MGAT4C: variants seen among roughly 807,000 people sequenced by gnomAD.
MGAT4C encodes MGAT4 family member C.
In MGAT4C, 19 loss-of-function variants were observed where a neutral mutation model predicts 40.1. The ratio of observed to expected loss-of-function variants is 0.47; its 90% CI spans 0.33 to 0.70. The LOEUF (loss-of-function observed/expected upper bound fraction) is 0.70. Among genes scored for constraint, MGAT4C ranks in the 30% least tolerant of loss-of-function variants. The pLI, the probability that MGAT4C is intolerant of heterozygous loss-of-function variation, is 0.02. For synonymous variants in MGAT4C, 181 were observed against 187.1 expected (o/e 0.97, Z 0.27); for missense variants, 491 against 563.2 (o/e 0.87, Z 1.30).
intron 2 of MGAT4C, among the ~76,000 whole-genome samples, chr12:86,579,609 T>C (rs1960702013): frequency 6.6e-6 from 1 of 151,624 alleles, no homozygotes; most frequent in East Asian, 1.9e-4. Flanking sequence ...AATGTTGTAA[T>C]AGTCTGTGTT....
chr12:86,603,485 A>T lies in MGAT4C; in HGVS notation c.-229+123724T>A, dbSNP rs1309669600. Among the ~76,000 whole-genome samples, 8 of 104,484 alleles carry T rather than the reference A, an allele frequency of 7.7e-5. No individual in the cohort carries two copies. In the East Asian group the frequency reaches 1.0e-3, roughly 14 times the overall value. The allele number at this position is 104,484 out of a possible 152,430, so 68.5% of individuals were successfully genotyped here. A position where few individuals can be genotyped will look rare whatever the true frequency, so the allele number is the denominator to read the frequency against. On this transcript the variant is annotated intron_variant, in intron 2 of 7. Transcript: ENST00000548651. ...AATATATACTATATATAGTCTATAG[A>T]CTATATAATATATACTATATATAGT...
At chr12:86,255,131 T>C (rs1356126150) in intron 1 of MGAT4C, among the ~76,000 whole-genome samples, 2 of 152,134 alleles carry the variant, frequency 1.3e-5, no homozygotes, top group Non-Finnish European at 2.9e-5. Context: ...CAAGCCATTA[T>C]TCAAAAGTTT....
At chr12:86,612,641 G>A (rs1962323301) in intron 2 of MGAT4C, among the ~76,000 whole-genome samples, 1 of 150,236 alleles carries the variant, frequency 6.7e-6, no homozygotes, top group South Asian at 2.1e-4. Flanking sequence ...TCAGGAGGCT[G>A]AGACAAGAGA....
At chr12:86,026,776 G>T (rs1007572791) in intron 2 of MGAT4C, among the ~76,000 whole-genome samples, 1 of 151,902 alleles carries the variant, frequency 6.6e-6, no homozygotes, top group Non-Finnish European at 1.5e-5. Flanking sequence ...AATTTAAGCA[G>T]ATCTGAGATA....
chr12:86,329,145 T>TAAATAAAA (rs1263839419), intron 4 of MGAT4C, among the ~76,000 whole-genome samples: 16 of 148,976 alleles, frequency 1.1e-4, no homozygotes, highest in Non-Finnish European at 1.3e-4. Context: ...AATAAATAAA[T>TAAATAAAA]AAAATAGAAC....
rs1305996672 is a variant in MGAT4C at position 85,974,068 on chromosome 12, A to G, written c.*5221T>C. On this transcript the variant is annotated 3_prime_UTR_variant, in exon 5 of 5. Coordinates refer to ENST00000611864, the MANE Select transcript of MGAT4C (RefSeq NM_001351288.2). Reference sequence around the variant, plus strand: ...TTTTATAGCTTAGAAAGAGAATGCTATGCAACTCATATTTTGATCTTTTAA... The same window carrying G: ...TTTTATAGCTTAGAAAGAGAATGCTGTGCAACTCATATTTTGATCTTTTAA... The G allele has an allele frequency of 1.3e-5, 2 of 150,918 alleles. No homozygotes were observed. Among genetic ancestry groups the G allele is most frequent in the African/African-American group, 2.4e-5 (1 of 41,316 alleles). The allele number at this position is 150,918 out of a possible 1,614,324, so 9.3% of individuals were successfully genotyped here. A position where few individuals can be genotyped will look rare whatever the true frequency, so the allele number is the denominator to read the frequency against.
chr12:86,183,225 G>T (rs1888321178), intron 1 of MGAT4C, among the ~76,000 whole-genome samples: 1 of 151,554 alleles, frequency 6.6e-6, no homozygotes, highest in African/African-American at 2.4e-5. Flanking sequence ...TTGATATTTT[G>T]TTTGTTCTGG....
intron 2 of MGAT4C, among the ~76,000 whole-genome samples, chr12:86,608,367 C>T (rs1962118182): frequency 2.0e-5 from 3 of 151,952 alleles, no homozygotes; most frequent in Admixed American, 6.6e-5. Context: ...TCACTTAAAG[C>T]CAGAAGTTCG....
intron 2 of MGAT4C, among the ~76,000 whole-genome samples, chr12:86,579,421 C>T (rs923094880): frequency 6.6e-6 from 1 of 151,436 alleles, no homozygotes; most frequent in Non-Finnish European, 1.5e-5. Flanking sequence ...CAAGCAAAAA[C>T]AAAACTAATA....
At chr12:86,393,813 AG>A (rs1318868799) in intron 3 of MGAT4C, among the ~76,000 whole-genome samples, 1 of 152,190 alleles carries the variant, frequency 6.6e-6, no homozygotes, top group East Asian at 1.9e-4. Context: ...ATTATGAGAC[AG>A]TCCTGCACTA....
chr12:86,396,745 T>C (rs1956269923), intron 3 of MGAT4C, among the ~76,000 whole-genome samples: 1 of 152,064 alleles, frequency 6.6e-6, no homozygotes, highest in African/African-American at 2.4e-5. Flanking sequence ...TTAGAGTAAA[T>C]AAAATTAGAA....
chr12:86,831,980 G>C (rs76277444), intron 1 of MGAT4C, among the ~76,000 whole-genome samples: 1 of 151,902 alleles, frequency 6.6e-6, no homozygotes, highest in East Asian at 1.9e-4. Context: ...AATAATTTAT[G>C]AAGTAGATCA....
chr12:86,554,435 T>C (rs1298598236), intron 2 of MGAT4C, among the ~76,000 whole-genome samples: 1 of 152,188 alleles, frequency 6.6e-6, no homozygotes, highest in Non-Finnish European at 1.5e-5. Flanking sequence ...ACTCATTTTT[T>C]GTCTACCATA....
chr12:86,449,550 C>T lies in MGAT4C; in HGVS notation c.-228-14285G>A, dbSNP rs1041585354. 3.9e-5 allele frequency among the ~76,000 whole-genome samples: 6 copies of T among 152,212 alleles called. No homozygotes were observed. The East Asian group carries it at 7.7e-4, about 20-fold the overall frequency. On this transcript the variant is annotated intron_variant, in intron 2 of 7. Transcript: ENST00000548651. The stretch of plus-strand genomic sequence containing the variant: ...TAGAATATTTCAAAGATCGCAAAAG[C>T]CTGCCTTATGGGCCCTACCAATTAT...
intron 2 of MGAT4C, among the ~76,000 whole-genome samples, chr12:85,997,680 C>T (rs557888027): frequency 6.6e-6 from 1 of 152,344 alleles, no homozygotes; most frequent in African/African-American, 2.4e-5. Flanking sequence ...AAAATTATCT[C>T]CTTTGACTCA....
At chr12:86,176,121 T>C (rs1376946624) in intron 1 of MGAT4C, among the ~76,000 whole-genome samples, 2 of 152,222 alleles carry the variant, frequency 1.3e-5, no homozygotes, top group Non-Finnish European at 2.9e-5. Flanking sequence ...TTGAGAATCA[T>C]TGCTTTAATC....
At chr12:86,528,237 G>C (rs1206432937) in intron 2 of MGAT4C, among the ~76,000 whole-genome samples, 1 of 151,956 alleles carries the variant, frequency 6.6e-6, no homozygotes, top group Non-Finnish European at 1.5e-5. Context: ...TTATTGCTAT[G>C]ATGTTGTGAG....
At chr12:86,424,184 G>A (rs955805885) in intron 3 of MGAT4C, among the ~76,000 whole-genome samples, 1 of 152,156 alleles carries the variant, frequency 6.6e-6, no homozygotes, top group East Asian at 1.9e-4. Flanking sequence ...AAGAACCTAG[G>A]TTCCAGAATC....
chr12:86,517,897 C>T lies in MGAT4C; in HGVS notation c.-228-82632G>A, dbSNP rs368093673. Among the ~76,000 whole-genome samples, 509 of 152,270 alleles carry T rather than the reference C, an allele frequency of 3.3e-3. 1 individual carries two copies. The highest frequency in any genetic ancestry group is 0.012 in the African/African-American group (492 of 41,538). ...TCTCCTGACCTCGTGATCTGCCTGC[C>T]TCGACCTCCCAAAGTGCTGGGATTA... On this transcript the variant is annotated intron_variant, in intron 2 of 7. Coordinates refer to the MGAT4C transcript ENST00000548651.
Sources: gnomAD v4.1 joint callset for allele counts (sites outside exome capture counted in the v4.1 genomes callset) on GRCh38, gnomAD v4.1.1 for gene constraint, MANE v1.5 for transcripts, NCBI Gene and HGNC (gene_info 2026-07-23, HGNC 2026-07-21) for gene names.